The following MDGA2 variants were observed in gnomAD, a reference collection of about 807,000 sequenced individuals.
The protein encoded by MDGA2 is MAM domain-containing glycosylphosphatidylinositol anchor protein 2.
Under a neutral mutation model 117.8 loss-of-function variants are expected in MDGA2, and 40 were observed. The observed-to-expected ratio is 0.34, with a 90% CI of 0.26 to 0.44. The LOEUF (loss-of-function observed/expected upper bound fraction) is 0.44. Among genes scored for constraint, MDGA2 ranks in the 20% least tolerant of loss-of-function variants. MDGA2 has a pLI of 1.00. For synonymous variants in MDGA2, 452 were observed against 439.0 expected, an observed-to-expected ratio of 1.03 and a Z score of -0.37; for missense variants, 1,123 against 1,250.6, an observed-to-expected ratio of 0.90 and a Z score of 1.54.
chr14:47,269,022 T>C (rs1489017918), intron 2 of MDGA2, among the ~76,000 whole-genome samples: 3 of 152,202 alleles, frequency 2.0e-5, no homozygotes, highest in African/African-American at 7.2e-5. Flanking sequence ...TGTTAATACC[T>C]GGGTAAAACT....
intron 1 of MDGA2, among the ~76,000 whole-genome samples, chr14:47,461,269 A>ATGTGTGTGTGTGTG (rs55889646): frequency 0.08 from 11,459 of 142,744 alleles, 523 homozygotes; most frequent in Non-Finnish European, 0.09. Context: ...AAAAAAATGT[A>ATGTGTGTGTGTGTG]TGTGTGTGTG....
intron 2 of MDGA2, chr14:47,299,602 C>G (rs1889206868): frequency 6.6e-6 from 1 of 152,140 alleles, no homozygotes; most frequent in African/African-American, 2.4e-5. Context: ...TTAATATTAT[C>G]TTGAATTAAG....
At chr14:46,854,273 T>C (rs1881175588) in intron 15 of MDGA2, among the ~76,000 whole-genome samples, 1 of 151,770 alleles carries the variant, frequency 6.6e-6, no homozygotes, top group African/African-American at 2.4e-5. Context: ...AGCATAGAGC[T>C]GTATAAGATA....
chr14:46,934,890 C>T (rs1204489246), intron 9 of MDGA2, among the ~76,000 whole-genome samples: 2 of 152,042 alleles, frequency 1.3e-5, no homozygotes, highest in Non-Finnish European at 2.9e-5. Context: ...GTCAAAATAG[C>T]TATGACATGC....
At position 47,134,029 on chromosome 14, in the gene MDGA2, C is replaced by A. The variant is rs138951670; in HGVS notation, c.793-2183G>T. On this transcript the variant is annotated intron_variant, in intron 4 of 16. Coordinates refer to ENST00000399232, the MANE Select transcript of MDGA2 (RefSeq NM_001113498.3). ...AATAATTGTATACATTTAAGGTATA[C>A]AACTGTGCTTTGATATACATTGTAA... is the stretch of plus-strand genomic sequence containing the variant. Among the ~76,000 whole-genome samples the A allele has an allele frequency of 2.0e-5, 3 of 152,092 alleles. No homozygotes were observed. In the East Asian group the frequency reaches 5.8e-4, roughly 29 times the overall value.
intron 1 of MDGA2, among the ~76,000 whole-genome samples, chr14:47,370,300 C>A (rs991018971): frequency 3.4e-5 from 2 of 59,048 alleles, no homozygotes; most frequent in Non-Finnish European, 6.2e-5. Flanking sequence ...TGCAGAAAAA[C>A]AATGCTTTGA....
At chr14:47,091,217 C>T (rs1055939605) in intron 6 of MDGA2, among the ~76,000 whole-genome samples, 1 of 152,026 alleles carries the variant, frequency 6.6e-6, no homozygotes, top group Non-Finnish European at 1.5e-5. Flanking sequence ...CTAATATGAG[C>T]TGATGAACTT....
chr14:47,068,974 T>C (rs945483341), intron 6 of MDGA2, among the ~76,000 whole-genome samples: 2 of 152,194 alleles, frequency 1.3e-5, no homozygotes, highest in African/African-American at 2.4e-5. Context: ...CCTGAGGTCC[T>C]ACATCCAGTT....
At chr14:47,256,229 G>A (rs1219092004) in intron 2 of MDGA2, among the ~76,000 whole-genome samples, 1 of 151,612 alleles carries the variant, frequency 6.6e-6, no homozygotes, top group African/African-American at 2.4e-5. Context: ...TGGAGTATGT[G>A]TGGGAGACTA....
intron 10 of MDGA2, among the ~76,000 whole-genome samples, chr14:46,892,574 G>T (rs770246733): frequency 6.6e-6 from 1 of 151,854 alleles, no homozygotes; most frequent in Non-Finnish European, 1.5e-5. Context: ...AGATAGCAAT[G>T]AACTGTAAAA....
chr14:47,117,456 T>G (rs577316154), intron 5 of MDGA2, among the ~76,000 whole-genome samples: 1 of 152,288 alleles, frequency 6.6e-6, no homozygotes, highest in African/African-American at 2.4e-5. Context: ...GATTCCTATA[T>G]TCACTGCAGC....
chr14:47,267,396 A>G (rs1160875271), intron 2 of MDGA2, among the ~76,000 whole-genome samples: 1 of 152,164 alleles, frequency 6.6e-6, no homozygotes, highest in African/African-American at 2.4e-5. Context: ...ATATGTATTC[A>G]TCATAACTAA....
intron 1 of MDGA2, among the ~76,000 whole-genome samples, chr14:47,633,417 C>G (rs1897272210): frequency 6.6e-6 from 1 of 152,168 alleles, no homozygotes; most frequent in Non-Finnish European, 1.5e-5. Context: ...AAGGAATAAT[C>G]ATAGTATTTG....
chr14:47,233,832 G>C (rs1292722061), intron 2 of MDGA2, among the ~76,000 whole-genome samples: 2 of 151,986 alleles, frequency 1.3e-5, no homozygotes, highest in Admixed American at 6.6e-5. Flanking sequence ...CCACCACAAG[G>C]ACTGGGGAGA....
At chr14:47,573,159 G>A (rs138452982) in intron 1 of MDGA2, among the ~76,000 whole-genome samples, 4 of 151,996 alleles carry the variant, frequency 2.6e-5, no homozygotes, top group East Asian at 1.9e-4. Context: ...TTGCTTCTCC[G>A]ACTCATTTTA....
At chr14:47,480,967 C>T (rs540119555) in intron 1 of MDGA2, among the ~76,000 whole-genome samples, 3 of 151,804 alleles carry the variant, frequency 2.0e-5, no homozygotes, top group Non-Finnish European at 3.0e-5. Context: ...TCATCTTGTA[C>T]GAGAGTAGAA....
intron 14 of MDGA2, among the ~76,000 whole-genome samples, chr14:46,866,370 A>G (rs2138340206): frequency 6.6e-6 from 1 of 152,286 alleles, no homozygotes; most frequent in Admixed American, 6.5e-5. Flanking sequence ...TTCCTTCCTT[A>G]CACCTTATAC....
intron 1 of MDGA2, among the ~76,000 whole-genome samples, chr14:47,503,771 T>C (rs1181212565): frequency 6.6e-6 from 1 of 152,188 alleles, no homozygotes; most frequent in Non-Finnish European, 1.5e-5. Context: ...CAATACAATT[T>C]TCCTGGTTGC....
intron 1 of MDGA2, among the ~76,000 whole-genome samples, chr14:47,416,237 A>G (rs1356800294): frequency 6.6e-6 from 1 of 152,170 alleles, no homozygotes; most frequent in Non-Finnish European, 1.5e-5. Flanking sequence ...CAAACATGTT[A>G]TGCATTTCCA....
Sources: allele counts gnomAD v4.1 joint callset (sites outside exome capture counted in the v4.1 genomes callset), GRCh38; gene constraint gnomAD v4.1.1; transcripts MANE v1.5; gene names NCBI Gene and HGNC (gene_info 2026-07-23, HGNC 2026-07-21).